AUTS2: variants seen among roughly 807,000 people sequenced by gnomAD.
The protein encoded by AUTS2 is autism susceptibility gene 2 protein.
In AUTS2, 17 loss-of-function variants were observed where a neutral mutation model predicts 112.4. The ratio of observed to expected loss-of-function variants is 0.15; its 90% confidence interval spans 0.10 to 0.23. The LOEUF (loss-of-function observed/expected upper bound fraction) is 0.23. AUTS2 is among the 10% of genes least tolerant of loss of function. The pLI, the probability that AUTS2 is intolerant of heterozygous loss-of-function variation, is 1.00. For synonymous variants in AUTS2, 751 were observed against 702.7 expected, an observed-to-expected ratio of 1.07 and a Z score of -1.09; for missense variants, 1,510 against 1,701.6, an observed-to-expected ratio of 0.89 and a Z score of 1.98.
chr7:70,449,479 T>A (rs1796443756), intron 5 of AUTS2, among the ~76,000 whole-genome samples: 1 of 152,062 alleles, frequency 6.6e-6, no homozygotes. Context: ...TCTCTAGAGG[T>A]GCCTCTGTAC....
intron 1 of AUTS2, among the ~76,000 whole-genome samples, chr7:69,721,615 A>G (rs1303374244): frequency 1.3e-5 from 2 of 152,144 alleles, no homozygotes; most frequent in Non-Finnish European, 2.9e-5. Flanking sequence ...AGAATACAGG[A>G]CTCAGTCCTT....
rs533532392 is a variant in AUTS2 at position 69,880,993 on chromosome 7, G to GT, written c.310-18292dup. Among the ~76,000 whole-genome samples the GT allele has an allele frequency of 2.5e-3, 382 of 152,302 alleles. 1 individual carries two copies. The highest frequency in any genetic ancestry group is 5.4e-3 in the Admixed American group (83 of 15,306). Reference sequence around the variant, plus strand: ...CCACACGAGGTTGGATTATAAAGACGTATGAGTAGAATCGCCAAGGTTCAG... The same window carrying GT: ...CCACACGAGGTTGGATTATAAAGACGTTATGAGTAGAATCGCCAAGGTTCAG... On this transcript the variant is annotated intron_variant, in intron 1 of 18. Transcript: ENST00000342771.
chr7:69,722,303 A>G (rs1286623174), intron 1 of AUTS2, among the ~76,000 whole-genome samples: 2 of 152,066 alleles, frequency 1.3e-5, no homozygotes, highest in Admixed American at 6.6e-5. Flanking sequence ...TACAAAGGGA[A>G]GGAGAAGGCT....
At chr7:70,031,831 A>G (rs117147754) in intron 2 of AUTS2, among the ~76,000 whole-genome samples, 186 of 152,294 alleles carry the variant, frequency 1.2e-3, no homozygotes, top group Non-Finnish European at 2.3e-3. Flanking sequence ...AATAAAAGCA[A>G]TAGGATCTAC....
chr7:70,083,260 T>C (rs1203179073), intron 2 of AUTS2, among the ~76,000 whole-genome samples: 2 of 152,142 alleles, frequency 1.3e-5, no homozygotes, highest in African/African-American at 4.8e-5. Context: ...TTCCGTGCTG[T>C]GTAGGCACCT....
chr7:69,602,519 T>G (rs1458306213), intron 1 of AUTS2, among the ~76,000 whole-genome samples: 4 of 152,194 alleles, frequency 2.6e-5, no homozygotes, highest in African/African-American at 7.2e-5. Context: ...ATATCTCATC[T>G]TGTATTTTCT....
chr7:70,158,377 G>GA (rs1276527815), intron 4 of AUTS2, among the ~76,000 whole-genome samples: 2 of 152,186 alleles, frequency 1.3e-5, no homozygotes, highest in Non-Finnish European at 2.9e-5. Flanking sequence ...ATGACTGGGA[G>GA]AGAAGGTGGA....
At chr7:70,755,989 GTTTTGCACT>G (rs1789172073) in intron 6 of AUTS2, among the ~76,000 whole-genome samples, 1 of 151,686 alleles carries the variant, frequency 6.6e-6, no homozygotes, top group East Asian at 1.9e-4. Context: ...ATATTCATTT[GTTTTGCACT>G]TTTCCTCCTC....
intron 2 of AUTS2, among the ~76,000 whole-genome samples, chr7:70,113,367 A>G (rs1805185428): frequency 6.6e-6 from 1 of 152,172 alleles, no homozygotes; most frequent in Non-Finnish European, 1.5e-5. Context: ...AAATAGTACA[A>G]ATTCTATCCA....
intron 4 of AUTS2, among the ~76,000 whole-genome samples, chr7:70,136,123 T>C (rs763945282): frequency 5.5e-4 from 84 of 152,164 alleles, no homozygotes; most frequent in Admixed American, 2.4e-3. Flanking sequence ...GTTCCAAGAA[T>C]GGTTATTTTT....
intron 4 of AUTS2, among the ~76,000 whole-genome samples, chr7:70,383,667 C>A (rs1214947693): frequency 1.3e-5 from 2 of 152,178 alleles, no homozygotes; most frequent in Non-Finnish European, 2.9e-5. Flanking sequence ...ACAAAAAAGT[C>A]TGTTTTTTCC....
At chr7:69,981,462 A>G (rs777780139) in intron 2 of AUTS2, among the ~76,000 whole-genome samples, 20 of 152,310 alleles carry the variant, frequency 1.3e-4, no homozygotes, top group African/African-American at 3.4e-4. Flanking sequence ...TTTTTATTCA[A>G]TATTTCAAAT....
At chr7:70,264,329 T>C (rs979877409) in intron 4 of AUTS2, among the ~76,000 whole-genome samples, 2 of 152,154 alleles carry the variant, frequency 1.3e-5, no homozygotes, top group African/African-American at 4.8e-5. Context: ...TGCCTCAGCC[T>C]CCCGAGTAGC....
chr7:70,712,717 C>T (rs544719641), intron 6 of AUTS2, among the ~76,000 whole-genome samples: 4 of 152,174 alleles, frequency 2.6e-5, no homozygotes, highest in African/African-American at 7.2e-5. Context: ...AATGCTCAGA[C>T]GATCCACAGA....
At chr7:70,159,114 G>A (rs996929997) in intron 4 of AUTS2, among the ~76,000 whole-genome samples, 2 of 152,072 alleles carry the variant, frequency 1.3e-5, no homozygotes, top group Non-Finnish European at 2.9e-5. Context: ...TGATGATTCC[G>A]CAGCTTTGTT....
chr7:70,115,221 A>AG (rs756741957), intron 2 of AUTS2, among the ~76,000 whole-genome samples: 6 of 152,214 alleles, frequency 3.9e-5, no homozygotes, highest in Non-Finnish European at 5.9e-5. Context: ...GAAAAGGCCC[A>AG]GGTGCAATGT....
chr7:70,626,549 T>C (rs997009191), intron 5 of AUTS2, among the ~76,000 whole-genome samples: 1 of 152,120 alleles, frequency 6.6e-6, no homozygotes, highest in South Asian at 2.1e-4. Context: ...AGGGGCTACA[T>C]GTGCAGGTTT....
At chr7:69,815,500 C>T (rs1790719410) in intron 1 of AUTS2, among the ~76,000 whole-genome samples, 1 of 151,932 alleles carries the variant, frequency 6.6e-6, no homozygotes, top group African/African-American at 2.4e-5. Flanking sequence ...TGTTTTGCAT[C>T]TTCTCCAGGC....
intron 5 of AUTS2, among the ~76,000 whole-genome samples, chr7:70,473,712 C>CTTTT (rs112680628): frequency 7.7e-6 from 1 of 130,588 alleles, no homozygotes; most frequent in Admixed American, 7.6e-5. Flanking sequence ...TTTGGTGGGG[C>CTTTT]TTTTTTTTTT....
Sources: gnomAD v4.1 joint callset for allele counts (sites outside exome capture counted in the v4.1 genomes callset) on GRCh38, gnomAD v4.1.1 for gene constraint, MANE v1.5 for transcripts, NCBI Gene and HGNC (gene_info 2026-07-23, HGNC 2026-07-21) for gene names.